HSPA4: variants seen among roughly 807,000 people sequenced by gnomAD.
HSPA4 encodes heat shock 70 kDa protein 4.
HSPA4 carries 25 observed loss-of-function variants against 106.2 expected under a neutral mutation model. The ratio of observed to expected loss-of-function variants is 0.24; its 90% CI spans 0.17 to 0.33. The LOEUF is 0.33. Among genes scored for constraint, HSPA4 ranks in the 10% least tolerant of loss-of-function variants. The pLI is 1.00. For missense variants in HSPA4, 841 were observed against 996.0 expected (o/e 0.84, Z 2.10); for synonymous variants, 332 against 333.6 (o/e 1.00, Z 0.05).
Position 133,062,445 on chromosome 5 carries a change from A to C in HSPA4, c.108-2535A>C, listed in dbSNP as rs560760583. ...TATTTAGAAAGATGGAGGTGTGCCA[A>C]TTATTAGGCTTATGCTAGGCAGCCT... On this transcript the variant is annotated intron_variant, in intron 1 of 18. Coordinates refer to ENST00000304858, the MANE Select transcript of HSPA4 (RefSeq NM_002154.4). Among the ~76,000 whole-genome samples the C allele has an allele frequency of 3.9e-5, 6 of 152,314 alleles. No homozygotes were observed. The South Asian group carries it at 1.2e-3, about 32-fold the overall frequency.
chr5:133,056,590 G>A (rs1765167860), intron 1 of HSPA4, among the ~76,000 whole-genome samples: 1 of 152,142 alleles, frequency 6.6e-6, no homozygotes, highest in African/African-American at 2.4e-5. Context: ...CTTTATTATG[G>A]CTCTAACACG....
At chr5:133,099,153 G>A (rs796173731) in intron 15 of HSPA4, among the ~76,000 whole-genome samples, 1 of 151,850 alleles carries the variant, frequency 6.6e-6, no homozygotes, top group South Asian at 2.1e-4. Context: ...TTTTTGAAAT[G>A]GAGCCTTGCT....
intron 1 of HSPA4, among the ~76,000 whole-genome samples, chr5:133,060,858 C>G (rs1407178273): frequency 7.5e-6 from 1 of 134,078 alleles, no homozygotes; most frequent in East Asian, 2.2e-4. Context: ...CTCGCTCTGT[C>G]ACTCAGGGTG....
chr5:133,054,625 C>T (rs1765136047), intron 1 of HSPA4, among the ~76,000 whole-genome samples: 1 of 152,158 alleles, frequency 6.6e-6, no homozygotes, highest in African/African-American at 2.4e-5. Context: ...TTTTATCACT[C>T]CCCCAAAGCC....
intron 16 of HSPA4, among the ~76,000 whole-genome samples, chr5:133,100,552 C>G (rs1765771952): frequency 6.6e-6 from 1 of 152,118 alleles, no homozygotes. Context: ...GTAATCCCAG[C>G]ACTTTGGGAG....
chr5:133,077,779 C>T (rs1040978709), intron 7 of HSPA4, among the ~76,000 whole-genome samples: 30 of 152,000 alleles, frequency 2.0e-4, no homozygotes, highest in African/African-American at 6.0e-4. Context: ...CTGAGCTATC[C>T]GTAAAAAAAT....
At position 133,104,235 on chromosome 5, in the gene HSPA4, G is replaced by C; in HGVS notation, c.2322G>C (p.Glu774Asp). Residue 774 changes from glutamate to aspartate, a missense_variant and splice_region_variant, in exon 19 of 19, where the codon GAG (glutamate) becomes GAC (aspartate). Glu to Asp is a conservative substitution (Grantham distance 45). This residue lies in a region of HSPA4 where 328 missense variants were observed against 372.2 expected (regional missense o/e 0.88). Coordinates refer to ENST00000304858, the MANE Select transcript of HSPA4 (RefSeq NM_002154.4). ...KSKEIEAKIK[E>D]LTSTCSPIIS... ...GTTTTCTGTCTTACCCATTCCAGGA[G>C]CTGACAAGTACTTGTAGCCCTATAA... 4 of 1,613,668 alleles carry C rather than the reference G, an allele frequency of 2.5e-6. No homozygotes were observed. Among genetic ancestry groups the C allele is most frequent in the Non-Finnish European group, 3.4e-6 (4 of 1,179,726 alleles).
intron 13 of HSPA4, among the ~76,000 whole-genome samples, chr5:133,093,635 C>T (rs990583406): frequency 1.3e-5 from 2 of 152,018 alleles, no homozygotes; most frequent in African/African-American, 2.4e-5. Flanking sequence ...GGACTACAGG[C>T]GTGCACCATC....
rs1765643798 is a variant in HSPA4 at position 133,091,244 on chromosome 5, A to C, written c.1430A>C (p.Lys477Thr). 1 of 1,614,100 alleles carries C rather than the reference A, an allele frequency of 6.2e-7. No individual in the cohort carries two copies. Among genetic ancestry groups the C allele is most frequent in the Middle Eastern group, 1.6e-4 (1 of 6,062 alleles). Residue 477 changes from lysine (K) to threonine (T), a missense_variant, in exon 12 of 19, where the codon AAA becomes ACA. Lys to Thr is a moderately conservative substitution (Grantham distance 78). Transcript: ENST00000304858. ...CCTCAGTCTGATGGCTCCAGTTCAA[A>C]AGTGAAAGTCAAAGTTCGAGTAAAT... is the stretch of plus-strand genomic sequence containing the variant. ...VTPQSDGSSS[K>T]VKVKVRVNVH...
intron 1 of HSPA4, among the ~76,000 whole-genome samples, chr5:133,053,630 A>G (rs1289637951): frequency 1.3e-5 from 2 of 151,396 alleles, no homozygotes; most frequent in East Asian, 1.9e-4. Flanking sequence ...GCTTACAGGC[A>G]TGAACCACCG....
intron 1 of HSPA4, among the ~76,000 whole-genome samples, chr5:133,057,229 A>C (rs1308902268): frequency 6.6e-6 from 1 of 152,114 alleles, no homozygotes; most frequent in Admixed American, 6.5e-5. Context: ...TTTCCATTCT[A>C]GTTTTGCCTA....
At chr5:133,061,299 T>C (rs1391361594) in intron 1 of HSPA4, among the ~76,000 whole-genome samples, 1 of 151,630 alleles carries the variant, frequency 6.6e-6, no homozygotes. Flanking sequence ...ATTTTTTGTA[T>C]TTTTAGTAGA....
At chr5:133,080,865 C>A (rs1188533398) in intron 7 of HSPA4, among the ~76,000 whole-genome samples, 1 of 152,038 alleles carries the variant, frequency 6.6e-6, no homozygotes, top group Non-Finnish European at 1.5e-5. Flanking sequence ...AGATATAATT[C>A]ACATACCATA....
In HSPA4 at chr5:133,073,975, G is replaced by A; in HGVS notation, c.530-18G>A. ...TACTTAGACGTTATTTTTAATTTTT[G>A]TGTTTTTTCTTCTGTAGTTGCTCTT... On this transcript the variant is annotated intron_variant, in intron 5 of 18. Transcript: ENST00000304858. 6.5e-7 allele frequency: 1 copy of A among 1,529,754 alleles called. No homozygotes were observed. The highest frequency in any genetic ancestry group is 8.8e-7 in the Non-Finnish European group (1 of 1,140,998). The allele number at this position is 1,529,754 out of a possible 1,614,324, so 94.8% of individuals were successfully genotyped here.
chr5:133,082,107 T>C (rs1182651165), intron 7 of HSPA4, among the ~76,000 whole-genome samples: 3 of 152,164 alleles, frequency 2.0e-5, no homozygotes, highest in Non-Finnish European at 4.4e-5. Flanking sequence ...AAAAATGTAA[T>C]ACAGATACAT....
intron 1 of HSPA4, among the ~76,000 whole-genome samples, chr5:133,053,371 C>A (rs1765109128): frequency 7.3e-6 from 1 of 137,524 alleles, no homozygotes; most frequent in Non-Finnish European, 1.5e-5. Context: ...GACAGGGTCT[C>A]ACTCTGGCTG....
Position 133,090,734 on chromosome 5 carries a change from C to A in HSPA4, c.1379-459C>A, listed in dbSNP as rs189322159. Among the ~76,000 whole-genome samples the A allele has an allele frequency of 2.3e-3, 348 of 152,240 alleles. 1 individual carries two copies. Among genetic ancestry groups the A allele is most frequent in the Non-Finnish European group, 3.5e-3 (237 of 68,022 alleles). On this transcript the variant is annotated intron_variant, in intron 11 of 18. Coordinates refer to ENST00000304858, the MANE Select transcript of HSPA4 (RefSeq NM_002154.4). Reference sequence around the variant, plus strand: ...AAAACCAGGAATAACAATGATAATTCATACTTTGCAGAGTTCTGGGAATGA... The same window carrying A: ...AAAACCAGGAATAACAATGATAATTAATACTTTGCAGAGTTCTGGGAATGA...
intron 10 of HSPA4, among the ~76,000 whole-genome samples, 157 bp downstream of exon 10, chr5:133,089,318 CTTAA>C (rs1765616056): frequency 6.6e-6 from 1 of 152,092 alleles, no homozygotes; most frequent in Non-Finnish European, 1.5e-5. Context: ...AATTTGTGTC[CTTAA>C]TTAGTTTCTC....
intron 3 of HSPA4, among the ~76,000 whole-genome samples, chr5:133,069,220 T>C (rs1471493738): frequency 2.1e-5 from 3 of 146,084 alleles, no homozygotes; most frequent in Non-Finnish European, 4.6e-5. Flanking sequence ...GGGCTTTATC[T>C]TGAAGCTTTG....
Sources: allele counts gnomAD v4.1 joint callset (sites outside exome capture counted in the v4.1 genomes callset), GRCh38; gene constraint gnomAD v4.1.1; regional missense constraint gnomAD v4.1.1; transcripts MANE v1.5; gene names NCBI Gene and HGNC (gene_info 2026-07-23, HGNC 2026-07-21).